Variants in DNAAF9 observed in about 807,000 individuals in gnomAD.
The protein encoded by DNAAF9 is dynein axonemal assembly factor 9.
DNAAF9 carries 90 observed loss-of-function variants against 167.0 expected under a neutral mutation model. That is an observed-to-expected ratio of 0.54 (90% confidence interval 0.45 to 0.64). DNAAF9 has a LOEUF of 0.64. DNAAF9 is among the 30% of genes least tolerant of loss of function. DNAAF9 has a pLI of 0.00. For synonymous variants in DNAAF9, 491 were observed against 508.8 expected, an observed-to-expected ratio of 0.96 and a Z score of 0.47; for missense variants, 1,315 against 1,442.2, an observed-to-expected ratio of 0.91 and a Z score of 1.43.
intron 23 of DNAAF9, chr20:3,296,071 T>C: frequency 1.3e-6 from 1 of 760,088 alleles, no homozygotes; most frequent in Non-Finnish European, 2.4e-6. Context: ...GAGTTACTGT[T>C]AGCTGAGAAC....
chr20:3,335,402 T>C lies in DNAAF9; in HGVS notation c.982-3041A>G, dbSNP rs2069917950. ...AACTCTTCTCTTTCAGCATTTGAAA[T>C]ATAGGTGCCACTTCCTTCTGGCCTT... is the stretch of plus-strand genomic sequence containing the variant. On this transcript the variant is annotated intron_variant, in intron 10 of 36. Coordinates refer to ENST00000252032, the MANE Select transcript of DNAAF9 (RefSeq NM_001009984.3). Among the ~76,000 whole-genome samples, 3 of 152,184 alleles carry C rather than the reference T, an allele frequency of 2.0e-5. No individual in the cohort carries two copies. The South Asian group carries it at 6.2e-4, about 32-fold the overall frequency.
intron 16 of DNAAF9, among the ~76,000 whole-genome samples, chr20:3,319,679 G>C (rs899138655): frequency 3.3e-5 from 5 of 152,120 alleles, no homozygotes; most frequent in African/African-American, 1.2e-4. Flanking sequence ...AAGATCTGAG[G>C]CTCTTGAACG....
At chr20:3,402,734 C>T (rs1054989999) in intron 1 of DNAAF9, among the ~76,000 whole-genome samples, 2 of 152,092 alleles carry the variant, frequency 1.3e-5, no homozygotes, top group East Asian at 1.9e-4. Flanking sequence ...CATGCCACCA[C>T]GCCTGGCTAA....
intron 27 of DNAAF9, among the ~76,000 whole-genome samples, chr20:3,286,265 G>A (rs1021076294): frequency 2.6e-5 from 4 of 152,208 alleles, no homozygotes; most frequent in African/African-American, 9.6e-5. Context: ...TGGGACAAAG[G>A]CTGGGTTTAC....
intron 35 of DNAAF9, among the ~76,000 whole-genome samples, chr20:3,254,993 C>G (rs1040275442): frequency 6.6e-6 from 1 of 152,224 alleles, no homozygotes; most frequent in Non-Finnish European, 1.5e-5. Context: ...AGTACTGGCT[C>G]TACTCAATCT....
intron 8 of DNAAF9, among the ~76,000 whole-genome samples, chr20:3,345,268 C>T (rs1432699914): frequency 6.6e-6 from 1 of 152,118 alleles, no homozygotes; most frequent in Non-Finnish European, 1.5e-5. Flanking sequence ...TCCACCCCGC[C>T]TGGCTCAATT....
chr20:3,316,013 T>C (rs1005157193), intron 18 of DNAAF9: 7 of 580,592 alleles, frequency 1.2e-5, no homozygotes, highest in Non-Finnish European at 1.5e-5. Flanking sequence ...GTCCAGCTAA[T>C]GAGCTTATGA....
intron 28 of DNAAF9, among the ~76,000 whole-genome samples, 193 bp from the exon 29 acceptor site, chr20:3,279,142 C>T (rs2068724122): frequency 6.6e-6 from 1 of 152,104 alleles, no homozygotes; most frequent in Non-Finnish European, 1.5e-5. Flanking sequence ...CACCAGGAGC[C>T]CCACAGAAGT....
At chr20:3,268,529 A>G (rs1431060491) in intron 30 of DNAAF9, among the ~76,000 whole-genome samples, 1 of 151,910 alleles carries the variant, frequency 6.6e-6, no homozygotes, top group Non-Finnish European at 1.5e-5. Flanking sequence ...GGGTTTCACC[A>G]TGTTGGTAGG....
intron 30 of DNAAF9, 49 bp from the exon 31 acceptor site, chr20:3,264,573 C>CTTTTTTTTTTTTCAATCTCT: frequency 1.3e-6 from 1 of 768,032 alleles, no homozygotes; most frequent in Admixed American, 2.2e-5. Context: ...CTGTCAATCT[C>CTTTTTTTTTTTTCAATCTCT]TTTTTTTTTT....
chr20:3,384,863 C>CA (rs1287643935), intron 1 of DNAAF9, among the ~76,000 whole-genome samples: 1 of 151,828 alleles, frequency 6.6e-6, no homozygotes, highest in African/African-American at 2.4e-5. Flanking sequence ...ATCACACAAC[C>CA]AAAAAACTGA....
At chr20:3,392,400 A>AT (rs1445013494) in intron 1 of DNAAF9, among the ~76,000 whole-genome samples, 1 of 152,242 alleles carries the variant, frequency 6.6e-6, no homozygotes, top group East Asian at 1.9e-4. Flanking sequence ...TTTAGACATG[A>AT]TAGATGACTG....
chr20:3,389,278 T>G (rs2083792699), intron 1 of DNAAF9, among the ~76,000 whole-genome samples: 2 of 152,006 alleles, frequency 1.3e-5, no homozygotes, highest in African/African-American at 4.8e-5. Context: ...CTTGAGTAGC[T>G]GGGGCTACAG....
At chr20:3,372,259 G>A (rs2083520617) in intron 6 of DNAAF9, among the ~76,000 whole-genome samples, 1 of 152,216 alleles carries the variant, frequency 6.6e-6, no homozygotes, top group Non-Finnish European at 1.5e-5. Context: ...CCCATCTGTA[G>A]GCCAAACTGC....
At chr20:3,300,665 C>T (rs1012492456) in intron 21 of DNAAF9, among the ~76,000 whole-genome samples, 26 of 143,572 alleles carry the variant, frequency 1.8e-4, no homozygotes, top group African/African-American at 6.2e-4. Context: ...GGTGACAGAG[C>T]GAGACTCCAT....
chr20:3,296,494 C>T (rs901587855), intron 23 of DNAAF9: 11 of 287,552 alleles, frequency 3.8e-5, no homozygotes, highest in Non-Finnish European at 6.0e-5. Context: ...CCTTCCACCC[C>T]GGCCTCCTGA....
Position 3,315,214 on chromosome 20 carries a change from C to A in DNAAF9, c.1591-94G>T. On this transcript the variant is annotated intron_variant, in intron 19 of 36. Transcript: ENST00000252032. The surrounding 1 kb of genome is among the most constrained non-coding windows in gnomAD (Gnocchi z 4.1). ...AATCAAAAGTCCTGCCCAATTATGT[C>A]CGTCTACAAAAGCTGAGTCAGGCTC... 1 of 813,758 alleles carries A rather than the reference C, an allele frequency of 1.2e-6. No individual in the cohort carries two copies. The allele number at this position is 813,758 out of a possible 1,614,324, so 50.4% of individuals were successfully genotyped here.
In DNAAF9 at chr20:3,252,278, G is replaced by T; in HGVS notation, c.*294C>A. 1 of 284,486 alleles carries T rather than the reference G, an allele frequency of 3.5e-6. No homozygotes were observed. The allele number at this position is 284,486 out of a possible 1,614,324, so 17.6% of individuals were successfully genotyped here. ...TCCCCAACCTCAAGAGCCCAAAGGA[G>T]ATCCTGTTATCAGAAACCCAGAGCT... On this transcript the variant is annotated 3_prime_UTR_variant, in exon 37 of 37. Transcript: ENST00000252032.
chr20:3,353,472 ACAAAAATTAGC>A lies in DNAAF9; in HGVS notation c.691-4860_691-4850del, dbSNP rs2123154710. On this transcript the variant is annotated intron_variant, in intron 7 of 36. Transcript: ENST00000252032. ...AAGGCCCTGTCTCTATTTAAAAAAC[ACAAAAATTAGC>A]CAGGTGTGGTGGCAAGTGCTTGCAG... Among the ~76,000 whole-genome samples the A allele has an allele frequency of 1.3e-5, 2 of 152,208 alleles. 1 individual carries two copies. The highest frequency in any genetic ancestry group is 3.9e-4 in the East Asian group (2 of 5,182).
Sources: allele counts gnomAD v4.1 joint callset (sites outside exome capture counted in the v4.1 genomes callset), GRCh38; gene constraint gnomAD v4.1.1; non-coding constraint Gnocchi (gnomAD v3.1); transcripts MANE v1.5; gene names NCBI Gene and HGNC (gene_info 2026-07-23, HGNC 2026-07-21).